The following TOP3B variants were observed in gnomAD, a reference collection of about 807,000 sequenced individuals.
TOP3B encodes DNA topoisomerase III beta.
In TOP3B, 45 loss-of-function variants were observed where a neutral mutation model predicts 93.9. The ratio of observed to expected loss-of-function variants is 0.48; its 90% CI spans 0.38 to 0.61. The LOEUF (loss-of-function observed/expected upper bound fraction) is 0.61. Among genes scored for constraint, TOP3B ranks in the 20% least tolerant of loss-of-function variants. TOP3B has a pLI of 0.00. For missense variants in TOP3B, 750 were observed against 1,156.1 expected, an observed-to-expected ratio of 0.65 and a Z score of 5.09; for synonymous variants, 357 against 472.6, an observed-to-expected ratio of 0.76 and a Z score of 3.17.
At chr22:21,968,556 G>T (rs1019551746) in intron 7 of TOP3B, 63 bp downstream of exon 7, 7 of 1,593,000 alleles carry the variant, frequency 4.4e-6, no homozygotes, top group Non-Finnish European at 6.0e-6. Flanking sequence ...GATGATGGAA[G>T]ACTCTCAGAA....
In TOP3B at chr22:21,971,107, G is replaced by A; in HGVS notation, c.385-701C>T. 7.9e-7 allele frequency: 1 copy of A among 1,266,078 alleles called. No homozygotes were observed. The highest frequency in any genetic ancestry group is 1.0e-6 in the Non-Finnish European group (1 of 957,152). 78.4% of individuals were successfully genotyped at this position (1,266,078 alleles called of 1,614,324 possible). Reference sequence around the variant, plus strand: ...GAGCTGCCCCCATTCTCCATTCCCAGATGCAAAGGCCCCCAGGGAGGAGCC... The same window carrying A: ...GAGCTGCCCCCATTCTCCATTCCCAAATGCAAAGGCCCCCAGGGAGGAGCC... On this transcript the variant is annotated intron_variant, in intron 5 of 17. Coordinates refer to ENST00000357179, the MANE Select transcript of TOP3B (RefSeq NM_001282112.2). This position sits in a 1 kb window ranked among gnomAD's most constrained non-coding sequence, Gnocchi z 4.6.
chr22:21,970,521 T>C lies in TOP3B; in HGVS notation c.385-115A>G. The C allele has an allele frequency of 8.9e-7, 1 of 1,118,164 alleles. No homozygotes were observed. Among genetic ancestry groups the C allele is most frequent in the Non-Finnish European group, 1.3e-6 (1 of 784,050 alleles). 69.3% of individuals were successfully genotyped at this position (1,118,164 alleles called of 1,614,324 possible). A position where few individuals can be genotyped will look rare whatever the true frequency, so the allele number is the denominator to read the frequency against. ...AAGAACACGTGTGCTCGGCTCCCTC[T>C]CCTGCCCCTGCCAGACCCTCCTCTA... On this transcript the variant is annotated intron_variant, in intron 5 of 17. Transcript: ENST00000357179. This position sits in a 1 kb window ranked among gnomAD's most constrained non-coding sequence, Gnocchi z 4.4.
intron 1 of TOP3B, chr22:21,976,682 GATGGGCTT>G (rs889749578): frequency 1.6e-4 from 25 of 152,300 alleles, no homozygotes; most frequent in African/African-American, 6.0e-4. Flanking sequence ...AATAGGACAC[GATGGGCTT>G]TGTGTCTGAA....
chr22:21,977,739 G>A (rs1400058850), intron 1 of TOP3B: 1 of 152,076 alleles, frequency 6.6e-6, no homozygotes, highest in Non-Finnish European at 1.5e-5. Flanking sequence ...AGCAATTCAG[G>A]GATCCCTCTC....
In TOP3B at chr22:21,962,545, C is replaced by T. The variant is rs747291093; in HGVS notation, c.1409G>A (p.Cys470Tyr). 1.2e-6 allele frequency: 2 copies of T among 1,613,544 alleles called. No homozygotes were observed. Among genetic ancestry groups the T allele is most frequent in the South Asian group, 1.1e-5 (1 of 91,086 alleles). The change falls in exon 13 of 18, where the codon TGC becomes TAC. Residue 470 changes from cysteine (C) to tyrosine (Y), a missense_variant. By Grantham distance (194) the Cys-to-Tyr change is radical. Coordinates refer to ENST00000357179, the MANE Select transcript of TOP3B (RefSeq NM_001282112.2). ...SVPLEESLPT[C>Y]QRGDAFPVGE... ...CACAGGGAAGGCATCACCCCGCTGG[C>T]AAGTGGGCAGGCTCTCCTCCAGGGG...
At position 21,972,647 on chromosome 22, in the gene TOP3B, CTTCT is replaced by C. The variant is rs1389640906; in HGVS notation, c.270_273del (p.Glu91LeufsTer5). 1 of 1,611,850 alleles carries C rather than the reference CTTCT, an allele frequency of 6.2e-7. No individual in the cohort carries two copies. Among genetic ancestry groups the C allele is most frequent in the Non-Finnish European group, 8.5e-7 (1 of 1,179,394 alleles). On this transcript the variant is annotated frameshift_variant, in exon 4 of 18. Transcript: ENST00000357179. LOFTEE classifies it high-confidence loss of function. ...TTCACCATGTTCAGCTTGGGGTTAG[CTTCT>C]TTCTTCTCCGTGGGAGCTTGGCTGA...
Position 21,964,274 on chromosome 22 carries a change from A to C in TOP3B, c.985T>G (p.Tyr329Asp), listed in dbSNP as rs1385676778. 1.9e-6 allele frequency: 3 copies of C among 1,613,976 alleles called. No homozygotes were observed. Among genetic ancestry groups the C allele is most frequent in the Non-Finnish European group, 2.5e-6 (3 of 1,180,012 alleles). ...QHAMQTAERL[Y>D]TQGYISYPRT... The stretch of plus-strand genomic sequence containing the variant: ...GGGTAGCTGATGTAGCCTTGCGTGT[A>C]GAGCCGCTCAGCCGTCTGCATGGCG... Residue 329 changes from tyrosine to aspartate, a missense_variant, in exon 10 of 18, where the codon TAC (tyrosine) becomes GAC (aspartate). Tyr to Asp is a radical substitution (Grantham distance 160). This residue lies in a region of TOP3B where 737 missense variants were observed against 933.7 expected (regional missense o/e 0.79). Coordinates refer to ENST00000357179, the MANE Select transcript of TOP3B (RefSeq NM_001282112.2).
intron 12 of TOP3B, 66 bp from the exon 13 acceptor site, chr22:21,962,668 C>T (rs2071240329): frequency 6.2e-7 from 1 of 1,606,044 alleles, no homozygotes; most frequent in Non-Finnish European, 8.5e-7. Context: ...GACCCTGGGC[C>T]TCCCATCCCC....
At chr22:21,981,991 T>C (rs1020635910) in intron 1 of TOP3B, among the ~76,000 whole-genome samples, 2 of 152,156 alleles carry the variant, frequency 1.3e-5, no homozygotes, top group East Asian at 3.9e-4. Flanking sequence ...ATCAACACTA[T>C]TCAATCTCGC....
In TOP3B at chr22:21,963,190, G is replaced by A; in HGVS notation, c.1205-297C>T. 3.3e-6 allele frequency: 1 copy of A among 299,416 alleles called. No individual in the cohort carries two copies. Among genetic ancestry groups the A allele is most frequent in the Non-Finnish European group, 6.5e-6 (1 of 154,338 alleles). The allele number at this position is 299,416 out of a possible 1,614,324, so 18.5% of individuals were successfully genotyped here. On this transcript the variant is annotated intron_variant, in intron 11 of 17. Coordinates refer to ENST00000357179, the MANE Select transcript of TOP3B (RefSeq NM_001282112.2). The surrounding 1 kb of genome is among the most constrained non-coding windows in gnomAD (Gnocchi z 4.8). ...CTCTACTAAAAATACAAAGAAATTAGCTGGGTGTGGTGGTGGGAGCCTGTA... is the reference window on the plus strand; with the variant it reads ...CTCTACTAAAAATACAAAGAAATTAACTGGGTGTGGTGGTGGGAGCCTGTA...
intron 1 of TOP3B, among the ~76,000 whole-genome samples, chr22:21,978,906 AG>A (rs2084553836): frequency 6.6e-6 from 1 of 152,118 alleles, no homozygotes; most frequent in Admixed American, 6.5e-5. Context: ...GAGAAGGAAA[AG>A]AGAAGCTGCG....
intron 14 of TOP3B, chr22:21,960,055 C>G: frequency 1.6e-6 from 1 of 626,458 alleles, no homozygotes; most frequent in South Asian, 2.0e-5. Flanking sequence ...CCCTGGGGAA[C>G]CTCCAGGGAA....
chr22:21,977,532 C>CAAAAAAAAAAAAAAAAAAAAAAAAA (rs562870639), intron 1 of TOP3B: 2 of 77,054 alleles, frequency 2.6e-5, no homozygotes, highest in African/African-American at 4.6e-5. Context: ...CCATCTCAAA[C>CAAAAAAAAAAAAAAAAAAAAAAAAA]AAAAAAAAAA....
intron 1 of TOP3B, among the ~76,000 whole-genome samples, chr22:21,980,822 C>T (rs2084614884): frequency 6.6e-6 from 1 of 152,240 alleles, no homozygotes; most frequent in Non-Finnish European, 1.5e-5. Context: ...CATCTGGCGT[C>T]AGCAGTCTGT....
At chr22:21,959,924 T>G (rs1232596395) in intron 14 of TOP3B, 188 bp from the exon 15 acceptor site, 7 of 764,818 alleles carry the variant, frequency 9.2e-6, no homozygotes, top group African/African-American at 1.8e-5. Flanking sequence ...AGACCTTTCC[T>G]GATTTCCCAC....
intron 14 of TOP3B, 179 bp from the exon 15 acceptor site, chr22:21,959,915 G>C: frequency 3.7e-6 from 3 of 811,480 alleles, no homozygotes; most frequent in East Asian, 2.7e-5. Flanking sequence ...TATGACCCCA[G>C]ACCTTTCCTG....
At chr22:21,968,577 A>C in intron 7 of TOP3B, 42 bp downstream of exon 7, 1 of 1,609,294 alleles carries the variant, frequency 6.2e-7, no homozygotes, top group South Asian at 1.1e-5. Flanking sequence ...TCCATGCCCC[A>C]AACCCAGAAA....
chr22:21,959,692 G>C lies in TOP3B; in HGVS notation c.1699C>G (p.Gln567Glu). 1 of 1,613,604 alleles carries C rather than the reference G, an allele frequency of 6.2e-7. No homozygotes were observed. Among genetic ancestry groups the C allele is most frequent in the Non-Finnish European group, 8.5e-7 (1 of 1,179,948 alleles). ...LPTIRSAVEK[Q>E]LNLIAQGKAD... ...TTGCCCTGGGCGATCAGGTTCAGCTGCTTCTCCACTGCACTGCGGATGGTG... is the reference window on the plus strand; with the variant it reads ...TTGCCCTGGGCGATCAGGTTCAGCTCCTTCTCCACTGCACTGCGGATGGTG... The change falls in exon 15 of 18, where the codon CAG (glutamine) becomes GAG (glutamate). Residue 567 changes from glutamine to glutamate, a missense_variant. Gln to Glu is a conservative substitution (Grantham distance 29). Around this residue, in one of 4 missense-constraint regions of TOP3B, gnomAD observed 737 missense variants for 933.7 expected, o/e 0.79. Coordinates refer to ENST00000357179, the MANE Select transcript of TOP3B (RefSeq NM_001282112.2).
In TOP3B at chr22:21,972,634, A is replaced by T. The variant is rs1229011042; in HGVS notation, c.287T>A (p.Leu96Gln). 1.2e-6 allele frequency: 2 copies of T among 1,610,546 alleles called. No individual in the cohort carries two copies. The highest frequency in any genetic ancestry group is 1.7e-6 in the Non-Finnish European group (2 of 1,178,998). ...CACCTGCAGGAACTTCACCATGTTC[A>T]GCTTGGGGTTAGCTTCTTTCTTCTC... The part of the protein sequence containing the change: ...PTEKKEANPK[L>Q]NMVKFLQVEG... Residue 96 changes from leucine (L) to glutamine (Q), a missense_variant, in exon 4 of 18, where the codon CTG (leucine) becomes CAG (glutamine). Coordinates refer to ENST00000357179, the MANE Select transcript of TOP3B (RefSeq NM_001282112.2).
Sources: gnomAD v4.1 joint callset for allele counts (sites outside exome capture counted in the v4.1 genomes callset) on GRCh38, gnomAD v4.1.1 for gene constraint, gnomAD v4.1.1 regional missense constraint, Gnocchi (gnomAD v3.1) non-coding constraint, MANE v1.5 for transcripts, NCBI Gene and HGNC (gene_info 2026-07-23, HGNC 2026-07-21) for gene names.